Variants in IL26 observed in about 807,000 individuals in gnomAD.
IL26 encodes interleukin-26.
In IL26, 23 loss-of-function variants were observed where a neutral mutation model predicts 21.7. That is an observed-to-expected ratio of 1.06 (90% confidence interval 0.76 to 1.50). IL26 has a LOEUF of 1.50. Among genes scored for constraint, IL26 ranks in the 40% most tolerant of loss-of-function variants. The pLI is 0.00. For synonymous variants in IL26, 63 were observed against 67.8 expected (o/e 0.93, Z 0.34); for missense variants, 204 against 196.0 (o/e 1.04, Z -0.24).
chr12:68,212,102 C>T (rs757394781), intron 3 of IL26, among the ~76,000 whole-genome samples: 4 of 152,088 alleles, frequency 2.6e-5, no homozygotes, highest in Non-Finnish European at 5.9e-5. Flanking sequence ...ATATGGTTAT[C>T]GAGTTTTCCC....
chr12:68,217,865 ACT>A (rs915817804), intron 3 of IL26, among the ~76,000 whole-genome samples: 2 of 152,248 alleles, frequency 1.3e-5, no homozygotes, highest in East Asian at 3.9e-4. Flanking sequence ...ACTATGAGAA[ACT>A]CTGTGAGACA....
At chr12:68,204,336 G>T (rs1868473873) in intron 3 of IL26, among the ~76,000 whole-genome samples, 1 of 151,822 alleles carries the variant, frequency 6.6e-6, no homozygotes, top group African/African-American at 2.4e-5. Flanking sequence ...GTAGAGATGG[G>T]GTTTCACCGT....
intron 3 of IL26, among the ~76,000 whole-genome samples, chr12:68,203,244 T>C (rs1868437718): frequency 6.6e-6 from 1 of 152,182 alleles, no homozygotes; most frequent in South Asian, 2.1e-4. Context: ...CACCTGGGCG[T>C]CAAACAGGAG....
At chr12:68,206,090 G>T (rs1254232464) in intron 3 of IL26, among the ~76,000 whole-genome samples, 1 of 152,148 alleles carries the variant, frequency 6.6e-6, no homozygotes, top group Non-Finnish European at 1.5e-5. Context: ...TGATTTCTTT[G>T]ATTAGTTCTG....
At chr12:68,220,361 AG>A (rs1405673742) in intron 3 of IL26, among the ~76,000 whole-genome samples, 1 of 152,178 alleles carries the variant, frequency 6.6e-6, no homozygotes, top group African/African-American at 2.4e-5. Context: ...TGCCAAGTAG[AG>A]TGCATCCCAG....
intron 3 of IL26, among the ~76,000 whole-genome samples, chr12:68,208,233 G>T (rs745708853): frequency 1.3e-5 from 2 of 152,202 alleles, no homozygotes; most frequent in Non-Finnish European, 2.9e-5. Context: ...AAGAAAAAAA[G>T]TGACTTGTGT....
intron 3 of IL26, among the ~76,000 whole-genome samples, chr12:68,203,960 A>G (rs991743052): frequency 1.3e-5 from 2 of 152,082 alleles, no homozygotes; most frequent in Non-Finnish European, 2.9e-5. Flanking sequence ...GGTGTATTTC[A>G]TGTTACATTT....
At chr12:68,220,002 C>A (rs1443466603) in intron 3 of IL26, among the ~76,000 whole-genome samples, 4 of 151,856 alleles carry the variant, frequency 2.6e-5, no homozygotes, top group Non-Finnish European at 4.4e-5. Context: ...CACAAACTAC[C>A]AAGGTTCCTT....
Position 68,211,240 on chromosome 12 carries a change from C to T in IL26, c.364-9157G>A, listed in dbSNP as rs537628808. 1.6e-4 allele frequency among the ~76,000 whole-genome samples: 24 copies of T among 152,312 alleles called. No homozygotes were observed. In the South Asian group the frequency reaches 4.6e-3, roughly 29 times the overall value. On this transcript the variant is annotated intron_variant, in intron 3 of 4. Coordinates refer to ENST00000229134, the MANE Select transcript of IL26 (RefSeq NM_018402.2). The stretch of plus-strand genomic sequence containing the variant: ...TTAACGTAAAAACCTCTGTTCCATC[C>T]ATGTTGCTGCAAATGACAGAATTTC...
chr12:68,224,806 C>G (rs1869189471), intron 3 of IL26, among the ~76,000 whole-genome samples: 2 of 151,638 alleles, frequency 1.3e-5, no homozygotes, highest in African/African-American at 4.8e-5. Context: ...GTGTTTGGCA[C>G]AAAGTTGGTA....
At chr12:68,204,308 T>TGGAG (rs1868472772) in intron 3 of IL26, among the ~76,000 whole-genome samples, 2 of 151,892 alleles carry the variant, frequency 1.3e-5, no homozygotes, top group Non-Finnish European at 2.9e-5. Context: ...CACGCCCGGC[T>TGGAG]GATTTTTTGT....
At position 68,225,247 on chromosome 12, in the gene IL26, A is replaced by G. The variant is rs1869206907; in HGVS notation, c.265T>C (p.Phe89Leu). The stretch of plus-strand genomic sequence containing the variant: ...AGTTGACCAAAAACGTCTTCCATGA[A>G]GAAGGACAGAAGCTGTTCTTGAAAT... ...CQFQEQLLSF[F>L]MEDVFGQLQL... The change falls in exon 3 of 5, where the codon TTC becomes CTC. Residue 89 changes from phenylalanine (F) to leucine (L), a missense_variant. Transcript: ENST00000229134. 1.2e-6 allele frequency: 2 copies of G among 1,613,216 alleles called. No individual in the cohort carries two copies.
intron 3 of IL26, among the ~76,000 whole-genome samples, chr12:68,209,291 A>C (rs562131821): frequency 6.6e-6 from 1 of 152,340 alleles, no homozygotes; most frequent in Non-Finnish European, 1.5e-5. Flanking sequence ...AAAGGCCCTG[A>C]GCTCTGGAAG....
At chr12:68,222,142 G>GCT (rs1869063733) in intron 3 of IL26, among the ~76,000 whole-genome samples, 1 of 152,170 alleles carries the variant, frequency 6.6e-6, no homozygotes, top group Non-Finnish European at 1.5e-5. Context: ...ACTGATAAGA[G>GCT]CATTTAAAAA....
In IL26 at chr12:68,210,915, C is replaced by G. The variant is rs149172208; in HGVS notation, c.364-8832G>C. Among the ~76,000 whole-genome samples the G allele has an allele frequency of 5.3e-3, 802 of 152,286 alleles. 7 individuals are homozygous for G. Among genetic ancestry groups the G allele is most frequent in the African/African-American group, 0.018 (753 of 41,556 alleles). ...TTTAGCATGTGAATTAAATTCCGAA[C>G]TCAGCAATAGAGCTGCACCCCATAA... On this transcript the variant is annotated intron_variant, in intron 3 of 4. Transcript: ENST00000229134.
At chr12:68,203,542 G>T (rs576580528) in intron 3 of IL26, among the ~76,000 whole-genome samples, 1 of 152,182 alleles carries the variant, frequency 6.6e-6, no homozygotes, top group Admixed American at 6.5e-5. Context: ...GTTAAAACTC[G>T]TGAAACGGAA....
chr12:68,204,141 A>ATTTTTT lies in IL26; in HGVS notation c.364-2064_364-2059dup, dbSNP rs6144754. Among the ~76,000 whole-genome samples, 22 of 113,192 alleles carry ATTTTTT rather than the reference A, an allele frequency of 1.9e-4. 1 individual carries two copies. The highest frequency in any genetic ancestry group is 3.5e-4 in the Non-Finnish European group (20 of 56,818). 74.3% of individuals were successfully genotyped at this position (113,192 alleles called of 152,430 possible). A position where few individuals can be genotyped will look rare whatever the true frequency, so the allele number is the denominator to read the frequency against. ...TAAAATCATGTGTTAGGATTCAAAG[A>ATTTTTT]TTTTTTTTTTTTTTTTTTTTGAGGC... On this transcript the variant is annotated intron_variant, in intron 3 of 4. Coordinates refer to ENST00000229134, the MANE Select transcript of IL26 (RefSeq NM_018402.2).
Position 68,208,941 on chromosome 12 carries a change from C to T in IL26, c.364-6858G>A, listed in dbSNP as rs1868624614. Among the ~76,000 whole-genome samples, 2 of 152,284 alleles carry T rather than the reference C, an allele frequency of 1.3e-5. 1 individual carries two copies. Among genetic ancestry groups the T allele is most frequent in the African/African-American group, 4.8e-5 (2 of 41,554 alleles). On this transcript the variant is annotated intron_variant, in intron 3 of 4. Transcript: ENST00000229134. The stretch of plus-strand genomic sequence containing the variant: ...CAATCAACAAATAAAATGCAGGCAT[C>T]GACTTACTGCCTCAGGGTCCACAAG...
At chr12:68,207,866 G>A (rs1196589622) in intron 3 of IL26, among the ~76,000 whole-genome samples, 1 of 150,890 alleles carries the variant, frequency 6.6e-6, no homozygotes, top group African/African-American at 2.4e-5. Context: ...TGATAAAATA[G>A]ACTAGTACAT....
Sources: allele counts gnomAD v4.1 joint callset (sites outside exome capture counted in the v4.1 genomes callset), GRCh38; gene constraint gnomAD v4.1.1; transcripts MANE v1.5; gene names NCBI Gene and HGNC (gene_info 2026-07-23, HGNC 2026-07-21).